Variants in CTNND2 observed in about 807,000 individuals in gnomAD.
The protein encoded by CTNND2 is catenin delta 2.
A neutral mutation model predicts 144.4 loss-of-function variants in CTNND2; 22 were observed. That is an observed-to-expected ratio of 0.15 (90% CI 0.11 to 0.22). The LOEUF (loss-of-function observed/expected upper bound fraction) is 0.22, where lower values mean the gene tolerates loss of function less well. Ranked by LOEUF, CTNND2 falls within the 10% of genes least tolerant of loss-of-function variation. The pLI is 1.00. For missense variants in CTNND2, 1,353 were observed against 1,618.8 expected (o/e 0.84, Z 2.82); for synonymous variants, 751 against 695.6 (o/e 1.08, Z -1.25).
At chr5:11,422,540 C>T (rs1036484960) in intron 3 of CTNND2, among the ~76,000 whole-genome samples, 15 of 152,338 alleles carry the variant, frequency 9.8e-5, no homozygotes, top group African/African-American at 3.4e-4. Flanking sequence ...ACAGCTCCCA[C>T]ACCACGGCCT....
At chr5:11,838,850 G>A (rs923099878) in intron 1 of CTNND2, among the ~76,000 whole-genome samples, 2 of 151,960 alleles carry the variant, frequency 1.3e-5, no homozygotes, top group African/African-American at 4.8e-5. Context: ...TAACATAATG[G>A]TGCTTCTTAC....
At chr5:11,251,356 T>C (rs1743631701) in intron 9 of CTNND2, among the ~76,000 whole-genome samples, 1 of 152,182 alleles carries the variant, frequency 6.6e-6, no homozygotes, top group South Asian at 2.1e-4. Flanking sequence ...TCTCAAAACT[T>C]GGAAGCAGAC....
chr5:11,247,938 C>T (rs1040045455), intron 9 of CTNND2, among the ~76,000 whole-genome samples: 1 of 152,054 alleles, frequency 6.6e-6, no homozygotes, highest in African/African-American at 2.4e-5. Flanking sequence ...GAAAAAATAA[C>T]CTCAAACATG....
At chr5:11,166,928 G>A (rs141548283) in intron 11 of CTNND2, among the ~76,000 whole-genome samples, 83 of 152,220 alleles carry the variant, frequency 5.5e-4, no homozygotes, top group African/African-American at 2.0e-3. Flanking sequence ...ATCTTGAGTC[G>A]ATGTTAGATA....
intron 11 of CTNND2, among the ~76,000 whole-genome samples, chr5:11,197,415 C>T (rs780822258): frequency 3.9e-5 from 6 of 152,146 alleles, no homozygotes; most frequent in Non-Finnish European, 7.4e-5. Context: ...AGCCTCAAAC[C>T]CCCAGCACAT....
chr5:11,058,701 T>G (rs984832556), intron 16 of CTNND2, among the ~76,000 whole-genome samples: 10 of 152,136 alleles, frequency 6.6e-5, no homozygotes, highest in African/African-American at 2.4e-4. Context: ...CAATGACCTC[T>G]TGCATCGTGA....
At chr5:11,304,293 C>T (rs772105100) in intron 9 of CTNND2, among the ~76,000 whole-genome samples, 2 of 151,318 alleles carry the variant, frequency 1.3e-5, no homozygotes, top group Non-Finnish European at 2.9e-5. Flanking sequence ...CTTTTGTATA[C>T]ATAAATGCAT....
intron 11 of CTNND2, among the ~76,000 whole-genome samples, chr5:11,195,478 A>G (rs1736770395): frequency 6.6e-6 from 1 of 152,212 alleles, no homozygotes; most frequent in African/African-American, 2.4e-5. Context: ...TGAAGACAGA[A>G]GATTCTGGAA....
chr5:11,855,076 G>A (rs2127012380), intron 1 of CTNND2, among the ~76,000 whole-genome samples: 1 of 152,298 alleles, frequency 6.6e-6, no homozygotes, highest in East Asian at 1.9e-4. Flanking sequence ...TCCTTAAAGA[G>A]CGACGGTTAC....
chr5:11,709,888 A>C (rs959283616), intron 2 of CTNND2, among the ~76,000 whole-genome samples: 4 of 152,214 alleles, frequency 2.6e-5, no homozygotes, highest in African/African-American at 9.6e-5. Context: ...CATTTAATAA[A>C]ATTAAGATAT....
At chr5:11,261,296 G>C (rs888349233) in intron 9 of CTNND2, among the ~76,000 whole-genome samples, 4 of 152,180 alleles carry the variant, frequency 2.6e-5, no homozygotes. Flanking sequence ...CTTGCCCCAA[G>C]ACAAGGGGCA....
intron 2 of CTNND2, among the ~76,000 whole-genome samples, chr5:11,600,226 T>C (rs1431436004): frequency 6.6e-6 from 1 of 152,200 alleles, no homozygotes; most frequent in Non-Finnish European, 1.5e-5. Flanking sequence ...CACACTGTTT[T>C]GTCAAGTATG....
intron 16 of CTNND2, among the ~76,000 whole-genome samples, chr5:11,072,054 A>G (rs940766018): frequency 3.9e-5 from 6 of 152,234 alleles, no homozygotes; most frequent in African/African-American, 1.4e-4. Context: ...TCCCATAGAC[A>G]CTGGGGGTAT....
In CTNND2 at chr5:11,412,037, T is replaced by G; in HGVS notation, c.320A>C (p.Gln107Pro). 6.2e-7 allele frequency: 1 copy of G among 1,610,306 alleles called. No homozygotes were observed. The highest frequency in any genetic ancestry group is 8.5e-7 in the Non-Finnish European group (1 of 1,176,724). Reference protein sequence around the residue: ...SAEEQFQWQSQDGQKDIEDEL... With the variant: ...SAEEQFQWQSPDGQKDIEDEL... ...TTCATCAATAAGATAGACATTACCTTGTGACTGCCACTGAAACTGCTCTTC... is the reference window on the plus strand; with the variant it reads ...TTCATCAATAAGATAGACATTACCTGGTGACTGCCACTGAAACTGCTCTTC... The change falls in exon 4 of 22, where the codon CAA (glutamine) becomes CCA (proline). Residue 107 changes from glutamine to proline, a missense_variant and splice_region_variant. By Grantham distance (76) the Gln-to-Pro change is moderately conservative (BLOSUM62 -1). Around this residue, in one of 4 missense-constraint regions of CTNND2, gnomAD observed 708 missense variants for 706.4 expected, o/e 1.00. Coordinates refer to ENST00000304623, the MANE Select transcript of CTNND2 (RefSeq NM_001332.4).
At chr5:11,348,437 C>CAAAAAAAAAAAAAAAA (rs3034056) in intron 8 of CTNND2, among the ~76,000 whole-genome samples, 20 of 114,694 alleles carry the variant, frequency 1.7e-4, no homozygotes, top group Admixed American at 2.8e-4. Context: ...AAATCAAGGG[C>CAAAAAAAAAAAAAAAA]AAAAAAAAAA....
intron 12 of CTNND2, among the ~76,000 whole-genome samples, chr5:11,154,054 A>G (rs1238618453): frequency 6.6e-6 from 1 of 152,228 alleles, no homozygotes; most frequent in Non-Finnish European, 1.5e-5. Flanking sequence ...TGCATCGGTG[A>G]TATTTTAAAT....
intron 2 of CTNND2, among the ~76,000 whole-genome samples, chr5:11,695,038 T>C (rs1193906384): frequency 6.6e-6 from 1 of 152,152 alleles, no homozygotes; most frequent in East Asian, 1.9e-4. Context: ...GTTAGGGTTA[T>C]CGAACAGTTA....
chr5:11,867,993 T>C (rs1005690164), intron 1 of CTNND2, among the ~76,000 whole-genome samples: 1 of 151,814 alleles, frequency 6.6e-6, no homozygotes. Flanking sequence ...CAGTGCTCTT[T>C]TGTCAACCAA....
chr5:11,028,552 G>C (rs1743101072), intron 16 of CTNND2, among the ~76,000 whole-genome samples: 1 of 151,936 alleles, frequency 6.6e-6, no homozygotes, highest in African/African-American at 2.4e-5. Context: ...TCAGTCCCTG[G>C]AAACCCCCAT....
Sources: allele counts gnomAD v4.1 joint callset (sites outside exome capture counted in the v4.1 genomes callset), GRCh38; gene constraint gnomAD v4.1.1; regional missense constraint gnomAD v4.1.1; transcripts MANE v1.5; gene names NCBI Gene and HGNC (gene_info 2026-07-23, HGNC 2026-07-21).